Variants in ANO4 observed in about 807,000 individuals in gnomAD.
ANO4 encodes the protein anoctamin 4.
A neutral mutation model predicts 141.9 loss-of-function variants in ANO4; 69 were observed. The ratio of observed to expected loss-of-function variants is 0.49; its 90% CI spans 0.40 to 0.59. The LOEUF (loss-of-function observed/expected upper bound fraction) is 0.59, where lower values mean the gene tolerates loss of function less well. Ranked by LOEUF, ANO4 falls within the 20% of genes least tolerant of loss-of-function variation. The probability of loss-of-function intolerance (pLI) is 0.00; values close to 1 mark genes in which losing one functional copy is unlikely to be tolerated. For missense variants in ANO4, 894 were observed against 1,162.2 expected (o/e 0.77, Z 3.36); for synonymous variants, 350 against 394.3 (o/e 0.89, Z 1.33).
At chr12:100,758,984 G>A (rs568539040) in intron 3 of ANO4, among the ~76,000 whole-genome samples, 141 of 152,234 alleles carry the variant, frequency 9.3e-4, no homozygotes, top group Non-Finnish European at 1.4e-3. Context: ...GGATGCTCGA[G>A]ATCCTTAATC....
In ANO4 at chr12:100,745,968, GAT is replaced by G. The variant is rs575178832; in HGVS notation, c.358+5865_358+5866del. ...TGTGGATAGACTTTCAAGTAGTAATGATAGAGGCTGGAAAACAGCAGCTTGAT... is the reference window on the plus strand; with the variant it reads ...TGTGGATAGACTTTCAAGTAGTAATGAGAGGCTGGAAAACAGCAGCTTGAT... On this transcript the variant is annotated intron_variant, in intron 3 of 29. Transcript: ENST00000644049. Among the ~76,000 whole-genome samples the G allele has an allele frequency of 8.0e-4, 122 of 152,338 alleles. No individual in the cohort carries two copies. In the Middle Eastern group the frequency reaches 0.017, roughly 21 times the overall value.
intron 1 of ANO4, among the ~76,000 whole-genome samples, chr12:100,845,981 T>A (rs2037537965): frequency 6.6e-6 from 1 of 152,188 alleles, no homozygotes; most frequent in African/African-American, 2.4e-5. Flanking sequence ...AACACAGACC[T>A]GGGTTTGAGT....
chr12:101,072,288 CA>C, intron 14 of ANO4, among the ~76,000 whole-genome samples: 1 of 152,144 alleles, frequency 6.6e-6, no homozygotes, highest in African/African-American at 2.4e-5. Context: ...ACTCTTTGTC[CA>C]AAAATGACAT....
chr12:101,127,130 TA>T, intron 27 of ANO4, 56 bp downstream of exon 27: 2 of 1,502,252 alleles, frequency 1.3e-6, no homozygotes, highest in Non-Finnish European at 1.8e-6. Flanking sequence ...ATGGGTGCTT[TA>T]AACTCCCTGA....
At chr12:100,989,498 C>T (rs1411746187) in intron 8 of ANO4, among the ~76,000 whole-genome samples, 1 of 151,746 alleles carries the variant, frequency 6.6e-6, no homozygotes, top group African/African-American at 2.4e-5. Flanking sequence ...AAGGGTATCA[C>T]CAATTTTGGA....
chr12:100,791,709 T>C (rs551902739), upstream of ANO4, among the ~76,000 whole-genome samples: 1 of 152,292 alleles, frequency 6.6e-6, no homozygotes, highest in African/African-American at 2.4e-5. Flanking sequence ...AGTGTCTCCA[T>C]ATAAAAGGAA....
intron 3 of ANO4, among the ~76,000 whole-genome samples, chr12:100,761,259 C>T (rs1311271128): frequency 2.0e-5 from 3 of 152,164 alleles, no homozygotes. Context: ...AGGCCTATGT[C>T]TCATCTCTTG....
chr12:101,066,682 C>G (rs1339561972), intron 14 of ANO4: 20 of 656,490 alleles, frequency 3.0e-5, no homozygotes, highest in South Asian at 2.9e-4. Context: ...TCGGCGGCCT[C>G]CTCCTGGAGC....
At chr12:100,836,781 A>G (rs1222009790) in intron 1 of ANO4, among the ~76,000 whole-genome samples, 6 of 152,152 alleles carry the variant, frequency 3.9e-5, no homozygotes, top group Admixed American at 3.3e-4. Context: ...TGGCACTTGA[A>G]GAGATGCATA....
intron 22 of ANO4, among the ~76,000 whole-genome samples, chr12:101,101,874 C>T (rs548508110): frequency 2.0e-5 from 3 of 152,068 alleles, no homozygotes; most frequent in Middle Eastern, 3.4e-3. Context: ...CCTGAGGTCA[C>T]GAGTTCAAGA....
intron 5 of ANO4, among the ~76,000 whole-genome samples, chr12:100,945,045 A>G (rs2042669509): frequency 6.6e-6 from 1 of 152,190 alleles, no homozygotes; most frequent in African/African-American, 2.4e-5. Context: ...CAGGGTGGAA[A>G]AGAAGAAACA....
intron 23 of ANO4, among the ~76,000 whole-genome samples, chr12:101,110,978 G>A (rs2050641448): frequency 6.6e-6 from 1 of 152,226 alleles, no homozygotes; most frequent in Non-Finnish European, 1.5e-5. Flanking sequence ...GACTAGAGAT[G>A]CTAAGTTGAA....
rs1235490390 is a variant in ANO4 at position 100,833,558 on chromosome 12, C to T, written c.-141+38531C>T. Among the ~76,000 whole-genome samples, 3 of 152,034 alleles carry T rather than the reference C, an allele frequency of 2.0e-5. No individual in the cohort carries two copies. The East Asian group carries it at 5.8e-4, about 29-fold the overall frequency. On this transcript the variant is annotated intron_variant, in intron 1 of 27. Transcript: ENST00000392977. ...ATTAATCTCAAGTTTTATTCACCAC[C>T]CCTCCAATTAAGAGGTTCTTCTATT...
intron 15 of ANO4, among the ~76,000 whole-genome samples, chr12:101,079,951 G>A (rs550053860): frequency 1.3e-5 from 2 of 152,286 alleles, no homozygotes; most frequent in East Asian, 1.9e-4. Context: ...CACACTAGGC[G>A]TGGTCACCAC....
chr12:101,120,515 T>C lies in ANO4; in HGVS notation c.2571-5T>C. ...TGAATGCAACATTTTTCTGTGTCTT[T>C]ATAGATACCGGGACTACCGTGACCC... On this transcript the variant is annotated splice_polypyrimidine_tract_variant and splice_region_variant and intron_variant, in intron 25 of 27. Coordinates refer to ENST00000392977, the MANE Select transcript of ANO4 (RefSeq NM_001286615.2). 6.2e-7 allele frequency: 1 copy of C among 1,612,520 alleles called. No homozygotes were observed. Among genetic ancestry groups the C allele is most frequent in the Non-Finnish European group, 8.5e-7 (1 of 1,178,716 alleles).
intron 1 of ANO4, 94 bp from the exon 2 acceptor site, chr12:100,901,552 G>A (rs762319790): frequency 6.6e-5 from 36 of 546,302 alleles, no homozygotes; most frequent in Admixed American, 4.4e-4. Flanking sequence ...AAACATGGTT[G>A]CTTCTGTTCT....
chr12:100,908,087 C>T (rs527701047), intron 2 of ANO4, among the ~76,000 whole-genome samples: 23 of 152,296 alleles, frequency 1.5e-4, no homozygotes, highest in African/African-American at 5.1e-4. Flanking sequence ...TGGATGAGTA[C>T]GGTGGCTCAC....
intron 7 of ANO4, 30 bp from the exon 8 acceptor site, chr12:100,987,509 C>T (rs1184762322): frequency 1.2e-6 from 2 of 1,608,256 alleles, no homozygotes; most frequent in Non-Finnish European, 1.7e-6. Flanking sequence ...ACATGCTGTA[C>T]CCTTTGGTCT....
chr12:100,862,748 A>G (rs752859453), intron 1 of ANO4, among the ~76,000 whole-genome samples: 2 of 152,190 alleles, frequency 1.3e-5, no homozygotes, highest in Admixed American at 1.3e-4. Context: ...GCATTGCCCT[A>G]TGACATTATA....
Sources: gnomAD v4.1 joint callset for allele counts (sites outside exome capture counted in the v4.1 genomes callset) on GRCh38, gnomAD v4.1.1 for gene constraint, MANE v1.5 for transcripts, NCBI Gene and HGNC (gene_info 2026-07-23, HGNC 2026-07-21) for gene names.